SLC50A1: variants seen among roughly 807,000 people sequenced by gnomAD.
The protein encoded by SLC50A1 is solute carrier family 50 member 1, also known as sugar transporter SWEET1.
In SLC50A1, 22 loss-of-function variants were observed where a neutral mutation model predicts 28.9. That is an observed-to-expected ratio of 0.76 (90% confidence interval 0.54 to 1.09). The LOEUF (loss-of-function observed/expected upper bound fraction) is 1.09, where lower values mean the gene tolerates loss of function less well. SLC50A1 is among the 50% of genes least tolerant of loss of function. SLC50A1 has a pLI of 0.00. For synonymous variants in SLC50A1, 96 were observed against 110.6 expected (o/e 0.87, Z 0.83); for missense variants, 233 against 273.4 (o/e 0.85, Z 1.04).
chr1:155,135,532 C>A, upstream of SLC50A1: 1 of 1,474,090 alleles, frequency 6.8e-7, no homozygotes, highest in Non-Finnish European at 9.1e-7. Flanking sequence ...GGAGGTCCAC[C>A]GCCGAAGGCG....
intron 4 of SLC50A1, 27 bp downstream of exon 4, chr1:155,137,749 G>A (rs1387176251): frequency 1.2e-6 from 2 of 1,612,656 alleles, no homozygotes; most frequent in Non-Finnish European, 1.7e-6. Context: ...AAGGAGGTAG[G>A]AGAGATAAGA....
intron 1 of SLC50A1, 52 bp downstream of exon 1, chr1:155,136,043 G>A (rs777504490): frequency 4.4e-6 from 7 of 1,600,068 alleles, no homozygotes; most frequent in East Asian, 2.2e-5. Context: ...CAGGAAAGGA[G>A]AGAGAGGGGA....
In SLC50A1 at chr1:155,138,559, T is replaced by C; in HGVS notation, c.*278T>C. ...GCCTTAAAAGGCCGGGCGCGGTGGC[T>C]CACGCCTGTAATCCCAGCACTTTGG... On this transcript the variant is annotated 3_prime_UTR_variant, in exon 6 of 6. Transcript: ENST00000368404. 2.6e-6 allele frequency: 1 copy of C among 383,890 alleles called. No homozygotes were observed. Among genetic ancestry groups the C allele is most frequent in the Non-Finnish European group, 4.8e-6 (1 of 207,254 alleles). 23.8% of individuals were successfully genotyped at this position (383,890 alleles called of 1,614,324 possible).
upstream of SLC50A1, chr1:155,135,652 G>A (rs1417301838): frequency 3.9e-6 from 6 of 1,550,404 alleles, no homozygotes; most frequent in East Asian, 1.5e-4. Context: ...CGGAGCCCTA[G>A]GAAGGGGACT....
upstream of SLC50A1, chr1:155,135,682 T>TCTGG (rs1462482935): frequency 2.6e-6 from 4 of 1,549,866 alleles, no homozygotes; most frequent in Admixed American, 7.8e-5. Flanking sequence ...ATGGAAGAGG[T>TCTGG]CTGGACCAGG....
chr1:155,138,652 C>A lies in SLC50A1; in HGVS notation c.*371C>A. The A allele has an allele frequency of 5.0e-6, 1 of 200,182 alleles. No homozygotes were observed. Among genetic ancestry groups the A allele is most frequent in the Non-Finnish European group, 1.0e-5 (1 of 95,336 alleles). 12.4% of individuals were successfully genotyped at this position (200,182 alleles called of 1,614,324 possible). On this transcript the variant is annotated 3_prime_UTR_variant, in exon 6 of 6. Coordinates refer to ENST00000368404, the MANE Select transcript of SLC50A1 (RefSeq NM_018845.4). Reference sequence around the variant, plus strand: ...CCAACCTGACTAACATGGTGAAACCCCATCTCTACTAAAAATACAAAATTA... The same window carrying A: ...CCAACCTGACTAACATGGTGAAACCACATCTCTACTAAAAATACAAAATTA...
chr1:155,135,808 A>G, upstream of SLC50A1: 1 of 1,567,522 alleles, frequency 6.4e-7, no homozygotes, highest in South Asian at 1.2e-5. Context: ...GGCGGAGCCG[A>G]GTGCGCGGGG....
At chr1:155,136,203 G>A (rs866792772) in intron 1 of SLC50A1, 96 bp from the exon 2 acceptor site, 34 of 999,906 alleles carry the variant, frequency 3.4e-5, no homozygotes, top group Middle Eastern at 2.7e-4. Context: ...CGGGGTCTGC[G>A]GTGGTCCGGA....
At chr1:155,137,006 G>A in intron 3 of SLC50A1, 55 bp downstream of exon 3, 2 of 1,596,088 alleles carry the variant, frequency 1.3e-6, no homozygotes, top group South Asian at 2.2e-5. Flanking sequence ...CTTGCTGGCA[G>A]GGCAAACACT....
intron 3 of SLC50A1, 105 bp downstream of exon 3, chr1:155,137,056 T>C: frequency 1.4e-6 from 2 of 1,466,756 alleles, no homozygotes; most frequent in Non-Finnish European, 1.9e-6. Context: ...TGCCACCTTT[T>C]CCAGGAAGGC....
chr1:155,135,907 T>C lies in SLC50A1; in HGVS notation c.-5T>C. 1.2e-6 allele frequency: 2 copies of C among 1,613,764 alleles called. No homozygotes were observed. Among genetic ancestry groups the C allele is most frequent in the Non-Finnish European group, 1.7e-6 (2 of 1,179,926 alleles). On this transcript the variant is annotated 5_prime_UTR_variant, in exon 1 of 6. Transcript: ENST00000368404. ...CGCTGGGCGCGGGATCCGACTCTAG[T>C]CGTAATGGAGGCGGGCGGCTTTCTG...
chr1:155,135,485 C>T (rs1664377417), upstream of SLC50A1: 4 of 1,139,140 alleles, frequency 3.5e-6, no homozygotes, highest in Non-Finnish European at 4.9e-6. Context: ...GGATGGAAAG[C>T]GTGCTGAAGT....
intron 2 of SLC50A1, 100 bp from the exon 3 acceptor site, chr1:155,136,728 G>A (rs1398763480): frequency 1.7e-5 from 26 of 1,487,798 alleles, no homozygotes; most frequent in Non-Finnish European, 2.4e-5. Flanking sequence ...GGGCGACAGA[G>A]CGAGACTACG....
rs148037231 is a variant in SLC50A1, at chr1:155,137,651, C to T, written c.373C>T (p.Arg125Trp). 1.7e-4 allele frequency: 277 copies of T among 1,614,034 alleles called. No homozygotes were observed. Among genetic ancestry groups the T allele is most frequent in the Non-Finnish European group, 1.3e-4 (156 of 1,180,032 alleles). ...GCTCCTGGTACCCAACCCTGAGGCC[C>T]GGCTTCAGCAGTTGGGCCTCTTCTG... ...FWLLVPNPEA[R>W]LQQLGLFCSV... The change falls in exon 4 of 6, where the codon CGG becomes TGG. Residue 125 changes from arginine to tryptophan, a missense_variant. Arg to Trp is a moderately radical substitution (Grantham distance 101). Transcript: ENST00000368404.
upstream of SLC50A1, chr1:155,135,724 C>A (rs561756583): frequency 1.2e-4 from 183 of 1,549,398 alleles, 1 homozygote; most frequent in African/African-American, 1.9e-3. Flanking sequence ...GAGAGGGGCG[C>A]GAGTTCCGGT....
rs1664426737 is a variant in SLC50A1, at chr1:155,135,977, G to A, written c.66G>A (p.Met22Ile). Reference protein sequence around the residue: ...YGACVVFTLGMFSAGLSDLRH... With the variant: ...YGACVVFTLGIFSAGLSDLRH... ...CATGCGTGGTCTTCACCCTTGGCAT[G>A]TTCTCCGCCGGCCTGTGAGAGTGCG... The change falls in exon 1 of 6, where the codon ATG (methionine) becomes ATA (isoleucine). Residue 22 changes from methionine to isoleucine, a missense_variant. Transcript: ENST00000368404. 4 of 1,613,922 alleles carry A rather than the reference G, an allele frequency of 2.5e-6. No individual in the cohort carries two copies. The highest frequency in any genetic ancestry group is 3.4e-6 in the Non-Finnish European group (4 of 1,180,020).
intron 1 of SLC50A1, 76 bp downstream of exon 1, chr1:155,136,067 A>G: frequency 6.5e-7 from 1 of 1,546,646 alleles, no homozygotes; most frequent in East Asian, 2.3e-5. Flanking sequence ...AGACGTGGCC[A>G]CAGCACCTGG....
chr1:155,138,080 C>T lies in SLC50A1; in HGVS notation c.546C>T (p.Leu182=), dbSNP rs760230083. Residue 182 remains leucine, a synonymous_variant, in exon 5 of 6, where the codon CTC becomes CTT. Coordinates refer to ENST00000368404, the MANE Select transcript of SLC50A1 (RefSeq NM_018845.4). ...SASWCLYGFR[L]RDPYIMVSNF... is the part of the protein sequence containing the mutation. ...CCTGGTGCCTCTATGGGTTTCGACTCAGAGATCCCTATATCATGGTAAGCA... is the reference window on the plus strand; with the variant it reads ...CCTGGTGCCTCTATGGGTTTCGACTTAGAGATCCCTATATCATGGTAAGCA... 1.1e-5 allele frequency: 18 copies of T among 1,614,026 alleles called. No individual in the cohort carries two copies. In the South Asian group the frequency reaches 1.8e-4, roughly 16 times the overall value.
chr1:155,135,832 C>T (rs1388797146), upstream of SLC50A1: 7 of 1,592,628 alleles, frequency 4.4e-6, no homozygotes, highest in Middle Eastern at 1.8e-4. Flanking sequence ...GGCTCCAGAG[C>T]CGCAGGTCTG....
Sources: allele counts gnomAD v4.1 joint callset, GRCh38; gene constraint gnomAD v4.1.1; transcripts MANE v1.5; gene names NCBI Gene and HGNC (gene_info 2026-07-23, HGNC 2026-07-21).